Variants in ST8SIA6 observed in about 807,000 individuals in gnomAD.
ST8SIA6 encodes the protein ST8 alpha-N-acetyl-neuraminide alpha-2,8-sialyltransferase 6.
ST8SIA6 carries 39 observed loss-of-function variants against 33.6 expected under a neutral mutation model. The ratio of observed to expected loss-of-function variants is 1.16; its 90% CI spans 0.90 to 1.52. ST8SIA6 has a LOEUF of 1.52. Ranked by LOEUF, ST8SIA6 falls within the 40% of genes most tolerant of loss-of-function variation. The pLI is 0.00. For synonymous variants in ST8SIA6, 172 were observed against 167.2 expected (o/e 1.03, Z -0.22); for missense variants, 441 against 443.8 (o/e 0.99, Z 0.06).
intron 3 of ST8SIA6, among the ~76,000 whole-genome samples, chr10:17,369,135 T>G (rs550316233): frequency 4.6e-5 from 7 of 152,224 alleles, no homozygotes; most frequent in Non-Finnish European, 7.3e-5. Context: ...ATATATGTAC[T>G]GTTAAGTGGT....
chr10:17,427,821 T>A (rs2131717258), intron 2 of ST8SIA6, among the ~76,000 whole-genome samples: 1 of 152,372 alleles, frequency 6.6e-6, no homozygotes, highest in South Asian at 2.1e-4. Context: ...GGCGATGCCT[T>A]GCACTTCGTC....
chr10:17,374,638 T>C (rs11254565), intron 3 of ST8SIA6, among the ~76,000 whole-genome samples: 27,339 of 150,858 alleles, frequency 0.18, 2,605 homozygotes, highest in South Asian at 0.22. Flanking sequence ...CACTTGAAAC[T>C]AGGAGGCAGA....
In ST8SIA6 at chr10:17,365,291, C is replaced by G. The variant is rs145941857; in HGVS notation, c.291-5691G>C. On this transcript the variant is annotated intron_variant, in intron 3 of 7. Transcript: ENST00000377602. ...GAAGATGAAGACCCACATGCTGTGA[C>G]TACTTTTATCTCAATTAAGATATAA... 3.6e-3 allele frequency among the ~76,000 whole-genome samples: 544 copies of G among 152,306 alleles called. 4 individuals carry two copies. Among genetic ancestry groups the G allele is most frequent in the African/African-American group, 0.013 (523 of 41,576 alleles).
At chr10:17,322,979 A>G (rs1205943674) in intron 7 of ST8SIA6, 86 bp downstream of exon 7, 15 of 1,238,712 alleles carry the variant, frequency 1.2e-5, no homozygotes, top group Non-Finnish European at 1.6e-5. Context: ...AGTCAGTCTC[A>G]GCAACAAGAT....
intron 3 of ST8SIA6, among the ~76,000 whole-genome samples, chr10:17,360,205 C>G (rs1225921454): frequency 1.3e-5 from 2 of 152,144 alleles, no homozygotes; most frequent in Non-Finnish European, 2.9e-5. Flanking sequence ...GTATTAATTT[C>G]TAAAGCACAG....
intron 4 of ST8SIA6, among the ~76,000 whole-genome samples, chr10:17,350,468 C>T (rs1334797980): frequency 6.6e-6 from 1 of 152,052 alleles, no homozygotes; most frequent in Non-Finnish European, 1.5e-5. Flanking sequence ...GCGGGAGGAT[C>T]GTTTGAGTCC....
At chr10:17,380,809 A>T (rs693968) in intron 3 of ST8SIA6, among the ~76,000 whole-genome samples, 21,993 of 115,354 alleles carry the variant, frequency 0.19, 2,605 homozygotes, top group East Asian at 0.46. Flanking sequence ...GTTTGTGTGA[A>T]TGTATGTGTA....
In ST8SIA6 at chr10:17,350,643, C is replaced by A. The variant is rs1848998729; in HGVS notation, c.377+8871G>T. Among the ~76,000 whole-genome samples the A allele has an allele frequency of 3.4e-5, 5 of 146,474 alleles. No homozygotes were observed. The South Asian group carries it at 1.1e-3, about 33-fold the overall frequency. ...AGGAAAATTAAGAGCTTCAAATAGA[C>A]ACCACCTTTTTTTTTTTTAGCAACA... On this transcript the variant is annotated intron_variant, in intron 4 of 7. Coordinates refer to ENST00000377602, the MANE Select transcript of ST8SIA6 (RefSeq NM_001004470.3).
chr10:17,427,809 A>C (rs185271251), intron 2 of ST8SIA6, among the ~76,000 whole-genome samples: 75 of 152,234 alleles, frequency 4.9e-4, no homozygotes, highest in Non-Finnish European at 1.5e-4. Context: ...GCCTGTTGAT[A>C]AGGCGATGCC....
intron 3 of ST8SIA6, among the ~76,000 whole-genome samples, chr10:17,374,746 A>ATAAT (rs917863158): frequency 1.5e-5 from 1 of 68,718 alleles, no homozygotes; most frequent in African/African-American, 5.1e-5. Flanking sequence ...AAATAAATAA[A>ATAAT]TAATAAATAT....
intron 2 of ST8SIA6, among the ~76,000 whole-genome samples, chr10:17,448,502 C>T (rs190755618): frequency 1.7e-4 from 26 of 152,322 alleles, no homozygotes; most frequent in African/African-American, 4.8e-4. Context: ...CAAGCTTGTG[C>T]GGGCCGTTTC....
intron 3 of ST8SIA6, among the ~76,000 whole-genome samples, chr10:17,369,474 TA>T (rs1166118748): frequency 5.9e-5 from 9 of 152,124 alleles, no homozygotes; most frequent in Admixed American, 4.6e-4. Context: ...GTACTGCATT[TA>T]AAAAAATGAT....
chr10:17,392,771 A>G (rs974740682), intron 2 of ST8SIA6, among the ~76,000 whole-genome samples: 1 of 152,192 alleles, frequency 6.6e-6, no homozygotes, highest in African/African-American at 2.4e-5. Flanking sequence ...TCAAGCTCTC[A>G]GTTGCTTTAC....
Position 17,315,764 on chromosome 10 carries a change from G to A in ST8SIA6, c.*5114C>T, listed in dbSNP as rs1847753058. ...TGGGATGGACAGGGAGGAAGAAGAG[G>A]GAGGGATTACAAAGTAGCACAAGAA... On this transcript the variant is annotated 3_prime_UTR_variant, in exon 8 of 8. Transcript: ENST00000377602. 1.3e-5 allele frequency among the ~76,000 whole-genome samples: 2 copies of A among 151,894 alleles called. No homozygotes were observed. Among genetic ancestry groups the A allele is most frequent in the South Asian group, 2.1e-4 (1 of 4,826 alleles).
chr10:17,418,770 AT>A (rs1564455162), intron 2 of ST8SIA6, among the ~76,000 whole-genome samples: 1 of 152,162 alleles, frequency 6.6e-6, no homozygotes, highest in Admixed American at 6.5e-5. Context: ...AGGCAGGTGA[AT>A]CACTTGAGGT....
At chr10:17,367,690 T>A (rs1849598619) in intron 3 of ST8SIA6, among the ~76,000 whole-genome samples, 1 of 152,194 alleles carries the variant, frequency 6.6e-6, no homozygotes, top group Non-Finnish European at 1.5e-5. Context: ...TCTCCAGATG[T>A]ATAAGAGAAT....
chr10:17,410,913 T>C (rs913579916), intron 2 of ST8SIA6, among the ~76,000 whole-genome samples: 1 of 152,178 alleles, frequency 6.6e-6, no homozygotes, highest in African/African-American at 2.4e-5. Context: ...TGTGAGAGAA[T>C]TGGCTAACCA....
At position 17,331,021 on chromosome 10, in the gene ST8SIA6, C is replaced by G. The variant is rs76694450; in HGVS notation, c.522+387G>C. 9.8e-3 allele frequency among the ~76,000 whole-genome samples: 1,496 copies of G among 152,212 alleles called. 25 individuals carry two copies. The highest frequency in any genetic ancestry group is 0.034 in the African/African-American group (1,407 of 41,536). On this transcript the variant is annotated intron_variant, in intron 5 of 7. Coordinates refer to ENST00000377602, the MANE Select transcript of ST8SIA6 (RefSeq NM_001004470.3). ...ACATATTTACTTCCCAAAGATGAGC[C>G]ACATAAACGCACCGTTCCTTGGGAA...
At chr10:17,405,781 C>T (rs554972744) in intron 2 of ST8SIA6, among the ~76,000 whole-genome samples, 1 of 150,518 alleles carries the variant, frequency 6.6e-6, no homozygotes, top group Admixed American at 6.7e-5. Context: ...ACTCAGGAGA[C>T]TGAGGCAGGA....
Sources: allele counts gnomAD v4.1 joint callset (sites outside exome capture counted in the v4.1 genomes callset), GRCh38; gene constraint gnomAD v4.1.1; transcripts MANE v1.5; gene names NCBI Gene and HGNC (gene_info 2026-07-23, HGNC 2026-07-21).